The following OSBPL10 variants were observed in gnomAD, a reference collection of about 807,000 sequenced individuals.
The protein encoded by OSBPL10 is oxysterol binding protein like 10, also known as oxysterol-binding protein-related protein 10.
Under a neutral mutation model 81.7 loss-of-function variants are expected in OSBPL10, and 49 were observed. The observed-to-expected ratio is 0.60, with a 90% CI of 0.48 to 0.76. The LOEUF (loss-of-function observed/expected upper bound fraction) is 0.76. Among genes scored for constraint, OSBPL10 ranks in the 30% least tolerant of loss-of-function variants. The pLI is 0.00. For synonymous variants in OSBPL10, 419 were observed against 383.6 expected (o/e 1.09, Z -1.08); for missense variants, 923 against 987.8 (o/e 0.93, Z 0.88).
At chr3:31,921,144 A>G (rs1299253794) in intron 1 of OSBPL10, among the ~76,000 whole-genome samples, 1 of 152,206 alleles carries the variant, frequency 6.6e-6, no homozygotes, top group Non-Finnish European at 1.5e-5. Context: ...TGTTAAACAT[A>G]AGTCAAACTC....
rs764118803 is a variant in OSBPL10 at position 31,684,014 on chromosome 3, G to A, written c.1346C>T (p.Ala449Val). The change falls in exon 8 of 12, where the codon GCC (alanine) becomes GTC (valine). Residue 449 changes from alanine (A) to valine (V), a missense_variant. Ala to Val is a moderately conservative substitution (Grantham distance 64). Coordinates refer to ENST00000396556, the MANE Select transcript of OSBPL10 (RefSeq NM_017784.5). ...GCAAATGACTCTCTCCTCTGGTGTG[G>A]CCCCAGCGGTGATGGCCAGCAGTAG... Reference protein sequence around the residue: ...PDLLLAITAGATPEERVICFV... With the variant: ...PDLLLAITAGVTPEERVICFV... The A allele has an allele frequency of 8.7e-6, 14 of 1,614,092 alleles. No individual in the cohort carries two copies. In the South Asian group the frequency reaches 8.8e-5, roughly 10 times the overall value.
At chr3:31,866,766 A>C (rs566544700) in intron 3 of OSBPL10, among the ~76,000 whole-genome samples, 1 of 152,254 alleles carries the variant, frequency 6.6e-6, no homozygotes, top group East Asian at 1.9e-4. Flanking sequence ...GACGGGGGTA[A>C]GACAGGGCTC....
At chr3:31,852,635 G>T (rs1267147836) in intron 3 of OSBPL10, among the ~76,000 whole-genome samples, 1 of 152,076 alleles carries the variant, frequency 6.6e-6, no homozygotes, top group Admixed American at 6.5e-5. Context: ...CTGGAGTGCA[G>T]TGGCATGCTC....
At chr3:31,759,937 T>G (rs989947352) in intron 4 of OSBPL10, among the ~76,000 whole-genome samples, 16 of 152,118 alleles carry the variant, frequency 1.1e-4, no homozygotes, top group African/African-American at 3.4e-4. Flanking sequence ...TTTTTTTGTA[T>G]TTTTAGTAGA....
chr3:31,723,070 G>T (rs563673711), intron 6 of OSBPL10, among the ~76,000 whole-genome samples: 1 of 152,068 alleles, frequency 6.6e-6, no homozygotes, highest in Non-Finnish European at 1.5e-5. Context: ...CTTCTCCTTC[G>T]CATGGCTGTA....
chr3:31,666,342 T>C (rs945054795), intron 10 of OSBPL10, among the ~76,000 whole-genome samples: 1 of 152,192 alleles, frequency 6.6e-6, no homozygotes, highest in Non-Finnish European at 1.5e-5. Flanking sequence ...CTACCACTAA[T>C]GGGACTGGAG....
chr3:31,808,762 A>G (rs898786744), intron 4 of OSBPL10, among the ~76,000 whole-genome samples: 2 of 152,250 alleles, frequency 1.3e-5, no homozygotes, highest in Admixed American at 6.5e-5. Flanking sequence ...ATAAAACCTG[A>G]CATTTATTAA....
intron 4 of OSBPL10, among the ~76,000 whole-genome samples, chr3:31,761,203 G>A (rs1698026409): frequency 6.6e-6 from 1 of 152,184 alleles, no homozygotes; most frequent in African/African-American, 2.4e-5. Flanking sequence ...GCCAGGCGCG[G>A]TGGCTCACAC....
At chr3:31,869,295 T>C (rs1262156585) in intron 3 of OSBPL10, among the ~76,000 whole-genome samples, 1 of 152,200 alleles carries the variant, frequency 6.6e-6, no homozygotes, top group African/African-American at 2.4e-5. Context: ...GTCTTCTCAC[T>C]CTGAACCCCA....
chr3:31,781,788 T>C (rs113461723), intron 4 of OSBPL10, among the ~76,000 whole-genome samples: 3,944 of 152,262 alleles, frequency 0.026, 77 homozygotes, highest in Middle Eastern at 0.037. Flanking sequence ...TAGAGAACAC[T>C]GCTGAAAGAA....
chr3:31,671,836 C>T (rs1020671719), intron 8 of OSBPL10, among the ~76,000 whole-genome samples: 2 of 152,154 alleles, frequency 1.3e-5, no homozygotes, highest in Non-Finnish European at 2.9e-5. Flanking sequence ...CCAGGACTGC[C>T]GTAGAGTTGT....
At position 31,802,340 on chromosome 3, in the gene OSBPL10, C is replaced by T. The variant is rs190708110; in HGVS notation, c.729+27700G>A. On this transcript the variant is annotated intron_variant, in intron 4 of 11. Transcript: ENST00000396556. ...TGGGAGGCCAAGGCGGACAGATCATCTGAGGTCAGGAGTTCAAGACCAGCC... is the reference window on the plus strand; with the variant it reads ...TGGGAGGCCAAGGCGGACAGATCATTTGAGGTCAGGAGTTCAAGACCAGCC... Among the ~76,000 whole-genome samples, 444 of 151,002 alleles carry T rather than the reference C, an allele frequency of 2.9e-3. 3 individuals carry two copies. The highest frequency in any genetic ancestry group is 0.01 in the African/African-American group (413 of 41,216).
In OSBPL10 at chr3:31,979,025, T is replaced by G. The variant is rs1006768130; in HGVS notation, c.281+1874A>C. Among the ~76,000 whole-genome samples the G allele has an allele frequency of 2.6e-5, 4 of 152,318 alleles. No homozygotes were observed. The South Asian group carries it at 8.3e-4, about 32-fold the overall frequency. ...AATAACTGTAATCCAGGGTAAAAGCTTTGCTGGCCTCATAATCTACTTGAA... is the reference window on the plus strand; with the variant it reads ...AATAACTGTAATCCAGGGTAAAAGCGTTGCTGGCCTCATAATCTACTTGAA... On this transcript the variant is annotated intron_variant, in intron 1 of 11. Transcript: ENST00000396556.
chr3:31,940,874 G>C (rs1697517225), intron 1 of OSBPL10, among the ~76,000 whole-genome samples: 1 of 152,006 alleles, frequency 6.6e-6, no homozygotes, highest in Non-Finnish European at 1.5e-5. Context: ...TCCTGACCTC[G>C]TGATCCACCC....
intron 7 of OSBPL10, among the ~76,000 whole-genome samples, chr3:31,692,276 G>C (rs568152246): frequency 6.6e-6 from 1 of 152,046 alleles, no homozygotes; most frequent in African/African-American, 2.4e-5. Flanking sequence ...TAAAAATAGA[G>C]AAAATAAAAA....
chr3:31,708,852 G>C, intron 6 of OSBPL10: 1 of 985,414 alleles, frequency 1.0e-6, no homozygotes, highest in Non-Finnish European at 1.2e-6. Context: ...TTCCACTTTG[G>C]TCAGAAGTCA....
Position 31,858,838 on chromosome 3 carries a change from G to A in OSBPL10, c.537+17595C>T, listed in dbSNP as rs552454279. 6.6e-5 allele frequency among the ~76,000 whole-genome samples: 10 copies of A among 152,228 alleles called. No individual in the cohort carries two copies. The South Asian group carries it at 1.7e-3, about 25-fold the overall frequency. On this transcript the variant is annotated intron_variant, in intron 3 of 11. Coordinates refer to ENST00000396556, the MANE Select transcript of OSBPL10 (RefSeq NM_017784.5). ...GGGCAGTCTATCAAAACTTTTAGGG[G>A]GAAAGTCATAACAATCAGGTTTTAG...
chr3:32,043,668 C>T (rs928132440), intron 2 of OSBPL10, among the ~76,000 whole-genome samples: 2 of 152,096 alleles, frequency 1.3e-5, no homozygotes, highest in Admixed American at 6.6e-5. Context: ...AAGGCCAGCA[C>T]TACGTGTAGC....
chr3:31,805,399 T>C (rs1034538316), intron 4 of OSBPL10, among the ~76,000 whole-genome samples: 4 of 152,124 alleles, frequency 2.6e-5, no homozygotes, highest in African/African-American at 9.7e-5. Context: ...CAGAAGCTCA[T>C]GGGGCTTCAA....
Sources: gnomAD v4.1 joint callset for allele counts (sites outside exome capture counted in the v4.1 genomes callset) on GRCh38, gnomAD v4.1.1 for gene constraint, MANE v1.5 for transcripts, NCBI Gene and HGNC (gene_info 2026-07-23, HGNC 2026-07-21) for gene names.